TEX36: variants seen among roughly 807,000 people sequenced by gnomAD.
TEX36 encodes testis-expressed protein 36.
In TEX36, 12 loss-of-function variants were observed where a neutral mutation model predicts 13.6. That is an observed-to-expected ratio of 0.88 (90% CI 0.56 to 1.43). TEX36 has a LOEUF of 1.43. TEX36 is among the 40% of genes most tolerant of loss of function. The pLI is 0.00. For missense variants in TEX36, 224 were observed against 228.3 expected (o/e 0.98, Z 0.12); for synonymous variants, 93 against 83.0 (o/e 1.12, Z -0.65).
At chr10:125,587,786 T>TAAAAAAAAAA (rs56198506) in intron 3 of TEX36, among the ~76,000 whole-genome samples, 3 of 101,898 alleles carry the variant, frequency 2.9e-5, no homozygotes, top group Non-Finnish European at 6.1e-5. Flanking sequence ...GTCTCAAAAT[T>TAAAAAAAAAA]AAAAAAAAAA....
chr10:125,621,960 C>T (rs547968332), intron 3 of TEX36, among the ~76,000 whole-genome samples: 20 of 152,280 alleles, frequency 1.3e-4, no homozygotes, highest in South Asian at 1.0e-3. Flanking sequence ...ACATTGAGGG[C>T]GGGTCTTCCT....
intron 3 of TEX36, among the ~76,000 whole-genome samples, chr10:125,627,780 C>A (rs957181466): frequency 6.6e-6 from 1 of 152,172 alleles, no homozygotes; most frequent in African/African-American, 2.4e-5. Context: ...CCTTGGGACA[C>A]CAAGGGATAA....
At chr10:125,646,402 C>T (rs1447579795) in intron 3 of TEX36, among the ~76,000 whole-genome samples, 1 of 152,066 alleles carries the variant, frequency 6.6e-6, no homozygotes, top group Non-Finnish European at 1.5e-5. Flanking sequence ...TGGACAATAA[C>T]AAGAGCACCA....
rs117822800 is a variant in TEX36, at chr10:125,580,118, G to A, written c.265-3244C>T. On this transcript the variant is annotated intron_variant, in intron 3 of 3. Coordinates refer to the TEX36 transcript ENST00000532135. ...GGTCTGTATTATTAGACATGGAGGA[G>A]GATATTTTGGAGTGTCAGCTTCTCT... Among the ~76,000 whole-genome samples the A allele has an allele frequency of 3.2e-3, 488 of 152,314 alleles. 1 individual carries two copies. Among genetic ancestry groups the A allele is most frequent in the Admixed American group, 5.9e-3 (90 of 15,296 alleles).
intron 1 of TEX36, among the ~76,000 whole-genome samples, chr10:125,666,109 G>A (rs72631148): frequency 0.074 from 11,288 of 152,002 alleles, 1,073 homozygotes; most frequent in African/African-American, 0.22. Context: ...AGAGTATTTA[G>A]GTTTTTCTAG....
Position 125,626,029 on chromosome 10 carries a change from G to A in TEX36, c.265-4384C>T, listed in dbSNP as rs538734522. On this transcript the variant is annotated intron_variant, in intron 3 of 3. Coordinates refer to the TEX36 transcript ENST00000526819. The stretch of plus-strand genomic sequence containing the variant: ...TTCAGGGACCACGGCTGCAGAGAAC[G>A]ACCTCACCCAAGGTTACAGACCAGT... Among the ~76,000 whole-genome samples the A allele has an allele frequency of 4.6e-4, 70 of 152,284 alleles. No individual in the cohort carries two copies. The Middle Eastern group carries it at 0.01, about 22-fold the overall frequency.
rs544624401 is a variant in TEX36, at chr10:125,642,938, G to A, written c.264+18083C>T. Among the ~76,000 whole-genome samples, 406 of 152,302 alleles carry A rather than the reference G, an allele frequency of 2.7e-3. 1 individual carries two copies. Among genetic ancestry groups the A allele is most frequent in the Admixed American group, 4.4e-3 (67 of 15,308 alleles). On this transcript the variant is annotated intron_variant, in intron 3 of 3. Coordinates refer to the TEX36 transcript ENST00000526819. ...AGTGATCTCAATTTTCTAAGTAATG[G>A]AAGCTAGACAGGATCAAATTGGGCA...
chr10:125,619,252 A>G (rs1460306704), downstream of TEX36, among the ~76,000 whole-genome samples: 2 of 152,208 alleles, frequency 1.3e-5, no homozygotes, highest in Non-Finnish European at 2.9e-5. Context: ...AACCTATCAC[A>G]GAAACAGAGC....
rs566288440 is a variant in TEX36 at position 125,580,941 on chromosome 10, A to T, written c.265-4067T>A. Among the ~76,000 whole-genome samples, 180 of 152,264 alleles carry T rather than the reference A, an allele frequency of 1.2e-3. 1 individual carries two copies. Among genetic ancestry groups the T allele is most frequent in the African/African-American group, 4.3e-3 (178 of 41,544 alleles). On this transcript the variant is annotated intron_variant, in intron 3 of 3. Transcript: ENST00000532135. ...GGACCTCAACCCAGAGTGGCCTGAGATGGAGCAACCTGAAGAAAGCCCACT... is the reference window on the plus strand; with the variant it reads ...GGACCTCAACCCAGAGTGGCCTGAGTTGGAGCAACCTGAAGAAAGCCCACT...
At chr10:125,620,563 C>T (rs1044289994), downstream of TEX36, among the ~76,000 whole-genome samples, 1 of 152,224 alleles carries the variant, frequency 6.6e-6, no homozygotes, top group African/African-American at 2.4e-5. Context: ...CAGGCCAGAA[C>T]ACTAGCTGGA....
At chr10:125,626,010 G>C (rs1203389972) in intron 3 of TEX36, among the ~76,000 whole-genome samples, 1 of 152,160 alleles carries the variant, frequency 6.6e-6, no homozygotes, top group Non-Finnish European at 1.5e-5. Flanking sequence ...CACCTTCAGG[G>C]ACCACGGCTG....
At chr10:125,675,056 C>T (rs1847290978) in intron 1 of TEX36, among the ~76,000 whole-genome samples, 2 of 152,234 alleles carry the variant, frequency 1.3e-5, no homozygotes, top group African/African-American at 2.4e-5. Context: ...ATAGCCACCC[C>T]TCCCCACAGG....
At chr10:125,659,749 G>A (rs2133594033) in intron 3 of TEX36, among the ~76,000 whole-genome samples, 1 of 152,168 alleles carries the variant, frequency 6.6e-6, no homozygotes, top group East Asian at 1.9e-4. Context: ...AGTGTAATTA[G>A]CCTGTAGGAT....
At chr10:125,662,351 G>C (rs1299048900) in intron 1 of TEX36, among the ~76,000 whole-genome samples, 2 of 152,114 alleles carry the variant, frequency 1.3e-5, no homozygotes, top group Non-Finnish European at 2.9e-5. Flanking sequence ...GGACCTTGGA[G>C]CCAACCCACG....
At chr10:125,589,817 A>G (rs1040700567) in intron 3 of TEX36, among the ~76,000 whole-genome samples, 1 of 152,214 alleles carries the variant, frequency 6.6e-6, no homozygotes, top group African/African-American at 2.4e-5. Flanking sequence ...ACCATATGAC[A>G]TTGAGCTATT....
chr10:125,576,693 C>T (rs1301159986), exon 4 of TEX36: 5 of 1,527,652 alleles, frequency 3.3e-6, no homozygotes, highest in Non-Finnish European at 4.4e-6. Flanking sequence ...AACTAATACA[C>T]ATTCTATTAG....
At chr10:125,681,128 T>G (rs567552098) in intron 1 of TEX36, among the ~76,000 whole-genome samples, 1 of 152,338 alleles carries the variant, frequency 6.6e-6, no homozygotes, top group East Asian at 1.9e-4. Context: ...TCCATCTTTT[T>G]GTCCTTTGAC....
intron 3 of TEX36, among the ~76,000 whole-genome samples, chr10:125,596,471 C>T (rs575803896): frequency 1.3e-5 from 2 of 152,258 alleles, no homozygotes; most frequent in East Asian, 3.9e-4. Flanking sequence ...ACCAGTGGCA[C>T]GTAGAGGCTG....
intron 3 of TEX36, among the ~76,000 whole-genome samples, chr10:125,657,288 G>T (rs536559317): frequency 6.6e-6 from 1 of 152,096 alleles, no homozygotes; most frequent in Non-Finnish European, 1.5e-5. Flanking sequence ...GTCTACATAC[G>T]TGTGGGTGTG....
Sources: gnomAD v4.1 joint callset for allele counts (sites outside exome capture counted in the v4.1 genomes callset) on GRCh38, gnomAD v4.1.1 for gene constraint, MANE v1.5 for transcripts, NCBI Gene and HGNC (gene_info 2026-07-23, HGNC 2026-07-21) for gene names.